The following CPNE8 variants were observed in gnomAD, a reference collection of about 807,000 sequenced individuals.
CPNE8 encodes the protein copine-8.
CPNE8 carries 45 observed loss-of-function variants against 81.5 expected under a neutral mutation model. The ratio of observed to expected loss-of-function variants is 0.55; its 90% confidence interval spans 0.44 to 0.71. CPNE8 has a LOEUF of 0.71. CPNE8 is among the 30% of genes least tolerant of loss of function. CPNE8 has a pLI of 0.00. For synonymous variants in CPNE8, 252 were observed against 226.3 expected (o/e 1.11, Z -1.02); for missense variants, 594 against 672.1 (o/e 0.88, Z 1.28).
intron 10 of CPNE8, among the ~76,000 whole-genome samples, chr12:38,756,497 C>T (rs1460599259): frequency 6.6e-6 from 1 of 152,068 alleles, no homozygotes; most frequent in African/African-American, 2.4e-5. Flanking sequence ...AGGACTACAG[C>T]CACACGCCAC....
chr12:38,693,035 A>G (rs1366951323), intron 15 of CPNE8, among the ~76,000 whole-genome samples: 1 of 152,184 alleles, frequency 6.6e-6, no homozygotes. Context: ...AACTACAGAG[A>G]CAGGCCATAT....
intron 1 of CPNE8, among the ~76,000 whole-genome samples, chr12:38,888,498 G>T (rs982411758): frequency 6.6e-6 from 1 of 152,178 alleles, no homozygotes; most frequent in Non-Finnish European, 1.5e-5. Flanking sequence ...GTACCTAGGA[G>T]TAATCTGAGA....
rs187896198 is a variant in CPNE8, at chr12:38,785,791, G to A, written c.408-9490C>T. Among the ~76,000 whole-genome samples, 216 of 152,230 alleles carry A rather than the reference G, an allele frequency of 1.4e-3. 1 individual carries two copies. Among genetic ancestry groups the A allele is most frequent in the African/African-American group, 4.9e-3 (204 of 41,548 alleles). ...AGTTAAAGCATAGAATTTAAGAGTT[G>A]TCTTTTTGCTTACTTCCTTGTTTAT... On this transcript the variant is annotated intron_variant, in intron 6 of 19. Transcript: ENST00000331366.
In CPNE8 at chr12:38,717,429, GTATATA is replaced by G. The variant is rs57044387; in HGVS notation, c.914+6337_914+6342del. ...AACAAGTAAACAAAGAAAGTGTGGTGTATATATATATATATATATATATATATATAC... is the reference window on the plus strand; with the variant it reads ...AACAAGTAAACAAAGAAAGTGTGGTGTATATATATATATATATATATATAC... On this transcript the variant is annotated intron_variant, in intron 13 of 19. Transcript: ENST00000331366. 5.0e-3 allele frequency among the ~76,000 whole-genome samples: 431 copies of G among 87,044 alleles called. 23 individuals carry two copies. The highest frequency in any genetic ancestry group is 0.017 in the African/African-American group (373 of 21,670). The allele number at this position is 87,044 out of a possible 152,430, so 57.1% of individuals were successfully genotyped here.
intron 6 of CPNE8, among the ~76,000 whole-genome samples, chr12:38,780,395 T>G (rs192136462): frequency 9.2e-5 from 14 of 152,212 alleles, no homozygotes; most frequent in Admixed American, 9.2e-4. Flanking sequence ...AGAGTTCCAG[T>G]AGAAGAAGGA....
At chr12:38,843,385 A>T (rs1943504523) in intron 4 of CPNE8, among the ~76,000 whole-genome samples, 2 of 152,232 alleles carry the variant, frequency 1.3e-5, no homozygotes. Flanking sequence ...TCAGGGGACC[A>T]GTCCATGGCC....
chr12:38,784,876 C>T (rs116222687), intron 6 of CPNE8, among the ~76,000 whole-genome samples: 13 of 152,170 alleles, frequency 8.5e-5, no homozygotes, highest in African/African-American at 3.1e-4. Flanking sequence ...ATGAGAAATG[C>T]TAAAGAGAAT....
chr12:38,902,315 GGAAA>G (rs201678434), intron 1 of CPNE8, among the ~76,000 whole-genome samples: 2,220 of 83,252 alleles, frequency 0.027, 54 homozygotes, highest in Middle Eastern at 0.038. Flanking sequence ...AAGGAAGGAA[GGAAA>G]GAAAGAAAGA....
At chr12:38,764,305 G>A (rs1941632253) in intron 8 of CPNE8, among the ~76,000 whole-genome samples, 1 of 151,994 alleles carries the variant, frequency 6.6e-6, no homozygotes, top group African/African-American at 2.4e-5. Context: ...AAAAGGCAAA[G>A]GTACCAAAAA....
chr12:38,747,794 C>A (rs761044895), intron 10 of CPNE8, among the ~76,000 whole-genome samples: 10 of 152,080 alleles, frequency 6.6e-5, no homozygotes, highest in Non-Finnish European at 1.3e-4. Flanking sequence ...ACGCTGAATA[C>A]TTCTGATATC....
At chr12:38,792,804 C>T (rs1942356794) in intron 6 of CPNE8, among the ~76,000 whole-genome samples, 1 of 151,902 alleles carries the variant, frequency 6.6e-6, no homozygotes, top group African/African-American at 2.4e-5. Context: ...AGATCAATAT[C>T]CCTGATGAAT....
At chr12:38,788,912 G>T (rs1202147584) in intron 6 of CPNE8, among the ~76,000 whole-genome samples, 1 of 151,492 alleles carries the variant, frequency 6.6e-6, no homozygotes, top group Non-Finnish European at 1.5e-5. Context: ...AAAGATGACT[G>T]TAATAAAAAC....
At chr12:38,738,433 C>A (rs1941003555) in intron 10 of CPNE8, among the ~76,000 whole-genome samples, 1 of 152,072 alleles carries the variant, frequency 6.6e-6, no homozygotes, top group South Asian at 2.1e-4. Context: ...ATCCCAGCTC[C>A]CACCAAATTT....
Position 38,690,120 on chromosome 12 carries a change from T to A in CPNE8, c.1143+3537A>T, listed in dbSNP as rs928694094. On this transcript the variant is annotated intron_variant, in intron 15 of 19. Transcript: ENST00000331366. ...ACTCCCTTGCTATCCAAAAGAATTA[T>A]GTGAATGTGGTGAGATAAATAGGTT... is the stretch of plus-strand genomic sequence containing the variant. Among the ~76,000 whole-genome samples, 7 of 152,202 alleles carry A rather than the reference T, an allele frequency of 4.6e-5. No individual in the cohort carries two copies. The East Asian group carries it at 1.3e-3, about 29-fold the overall frequency.
intron 7 of CPNE8, among the ~76,000 whole-genome samples, chr12:38,775,960 C>T (rs1299274255): frequency 2.0e-5 from 3 of 152,170 alleles, no homozygotes; most frequent in Middle Eastern, 3.4e-3. Context: ...ACTGACTATT[C>T]CTTATACTAA....
intron 3 of CPNE8, among the ~76,000 whole-genome samples, chr12:38,871,158 T>C (rs11169878): frequency 0.14 from 21,618 of 152,136 alleles, 2,396 homozygotes; most frequent in African/African-American, 0.32. Context: ...AACTGGCCAA[T>C]ACTACTTGGT....
At chr12:38,856,131 A>G (rs1002290815) in intron 3 of CPNE8, among the ~76,000 whole-genome samples, 1 of 152,074 alleles carries the variant, frequency 6.6e-6, no homozygotes, top group African/African-American at 2.4e-5. Context: ...TATATAACAT[A>G]CTAAGGCTGA....
At position 38,857,010 on chromosome 12, in the gene CPNE8, T is replaced by C. The variant is rs971628861; in HGVS notation, c.187-8348A>G. Reference sequence around the variant, plus strand: ...CTATATATATTTTGATAAAAAATACTCTTTTTTTGAAATAAATTATGATAA... The same window carrying C: ...CTATATATATTTTGATAAAAAATACCCTTTTTTTGAAATAAATTATGATAA... On this transcript the variant is annotated intron_variant, in intron 3 of 19. Coordinates refer to ENST00000331366, the MANE Select transcript of CPNE8 (RefSeq NM_153634.3). 5.9e-5 allele frequency among the ~76,000 whole-genome samples: 9 copies of C among 152,166 alleles called. No individual in the cohort carries two copies. The South Asian group carries it at 1.9e-3, about 32-fold the overall frequency.
intron 3 of CPNE8, among the ~76,000 whole-genome samples, chr12:38,861,500 A>G (rs139710457): frequency 4.7e-4 from 72 of 152,268 alleles, no homozygotes; most frequent in Non-Finnish European, 1.5e-4. Flanking sequence ...CAGAACATCA[A>G]TCTTGAATGA....
Sources: allele counts gnomAD v4.1 joint callset (sites outside exome capture counted in the v4.1 genomes callset), GRCh38; gene constraint gnomAD v4.1.1; transcripts MANE v1.5; gene names NCBI Gene and HGNC (gene_info 2026-07-23, HGNC 2026-07-21).